Variants in CCDC92B observed in about 807,000 individuals in gnomAD.
The protein encoded by CCDC92B is coiled-coil domain containing 92B, also known as coiled-coil domain-containing 92B.
A neutral mutation model predicts 5.6 loss-of-function variants in CCDC92B; 2 were observed. That is an observed-to-expected ratio of 0.36 (90% CI 0.15 to 1.12). The LOEUF (loss-of-function observed/expected upper bound fraction) is 1.12. Among genes scored for constraint, CCDC92B ranks in the 50% most tolerant of loss-of-function variants. CCDC92B has a pLI of 0.40. For missense variants in CCDC92B, 271 were observed against 262.2 expected, an observed-to-expected ratio of 1.03 and a Z score of -0.23; for synonymous variants, 115 against 122.3, an observed-to-expected ratio of 0.94 and a Z score of 0.39.
chr17:2,724,773 CCTCGGTGTGCTTCTGCAG>C lies in CCDC92B; in HGVS notation c.388_405del (p.Leu130_Glu135del). ...AGCTGGCAGGAGAGGTAGGCGGCCGCCTCGGTGTGCTTCTGCAGCTCGGTGCCCAGCACGGTGGCGCGG... is the reference window on the plus strand; with the variant it reads ...AGCTGGCAGGAGAGGTAGGCGGCCGCCTCGGTGCCCAGCACGGTGGCGCGG... On this transcript the variant is annotated inframe_deletion, in exon 4 of 4. Coordinates refer to ENST00000614400, the MANE Select transcript of CCDC92B (RefSeq NM_001355573.2). This position sits in a 1 kb window ranked among gnomAD's most constrained non-coding sequence, Gnocchi z 5.0. 1 of 983,860 alleles carries C rather than the reference CCTCGGTGTGCTTCTGCAG, an allele frequency of 1.0e-6. No individual in the cohort carries two copies. Among genetic ancestry groups the C allele is most frequent in the African/African-American group, 1.8e-5 (1 of 56,962 alleles). 60.9% of individuals were successfully genotyped at this position (983,860 alleles called of 1,614,324 possible). A position where few individuals can be genotyped will look rare whatever the true frequency, so the allele number is the denominator to read the frequency against.
chr17:2,723,783 A>G lies in CCDC92B; in HGVS notation c.*628T>C. ...TGTAATCCTCTCCCAGGGCCCATGG[A>G]AGTTAGGCTTCCATCAGGCGCACTT... On this transcript the variant is annotated 3_prime_UTR_variant, in exon 4 of 4. Coordinates refer to ENST00000614400, the MANE Select transcript of CCDC92B (RefSeq NM_001355573.2). The G allele has an allele frequency of 4.9e-6, 1 of 202,042 alleles. No individual in the cohort carries two copies. The highest frequency in any genetic ancestry group is 8.8e-6 in the Non-Finnish European group (1 of 113,570). The allele number at this position is 202,042 out of a possible 1,614,324, so 12.5% of individuals were successfully genotyped here. A position where few individuals can be genotyped will look rare whatever the true frequency, so the allele number is the denominator to read the frequency against.
chr17:2,743,119 G>C (rs1044250191), intron 1 of CCDC92B, among the ~76,000 whole-genome samples: 12 of 152,106 alleles, frequency 7.9e-5, no homozygotes, highest in African/African-American at 2.9e-4. Flanking sequence ...CCATGCAGGA[G>C]CCAGAATTCC....
chr17:2,725,165 G>T (rs1468316937), intron 3 of CCDC92B, among the ~76,000 whole-genome samples, 165 bp from the exon 4 acceptor site: 1 of 152,116 alleles, frequency 6.6e-6, no homozygotes, highest in African/African-American at 2.4e-5. Flanking sequence ...CTTGAGGTCA[G>T]GAGTTCGAGA....
intron 1 of CCDC92B, among the ~76,000 whole-genome samples, chr17:2,739,544 T>C (rs1466435970): frequency 2.0e-5 from 3 of 151,090 alleles, no homozygotes; most frequent in Non-Finnish European, 4.4e-5. Flanking sequence ...TAGCTGGGCG[T>C]GGTGGCGGGT....
rs529270270 is a variant in CCDC92B at position 2,722,540 on chromosome 17, G to C, written c.*1871C>G. The C allele has an allele frequency of 6.6e-6, 1 of 152,410 alleles. No individual in the cohort carries two copies. The highest frequency in any genetic ancestry group is 1.9e-4 in the East Asian group (1 of 5,194). 9.4% of individuals were successfully genotyped at this position (152,410 alleles called of 1,614,324 possible). ...AGAGCCGCACATTGCTTGGCCCTGA[G>C]TGCGCTCGCTCACTGGTTTCTACTT... On this transcript the variant is annotated 3_prime_UTR_variant, in exon 4 of 4. Coordinates refer to ENST00000614400, the MANE Select transcript of CCDC92B (RefSeq NM_001355573.2).
chr17:2,730,543 G>GTA (rs2070781024), intron 2 of CCDC92B, 50 bp from the exon 3 acceptor site: 1 of 469,220 alleles, frequency 2.1e-6, no homozygotes, highest in Non-Finnish European at 2.7e-6. Context: ...GTGTGTGTGT[G>GTA]TGTGTGTGTG....
intron 3 of CCDC92B, among the ~76,000 whole-genome samples, chr17:2,727,729 T>A (rs7219261): frequency 0.36 from 53,924 of 150,288 alleles, 11,712 homozygotes; most frequent in Non-Finnish European, 0.48. Flanking sequence ...GAGGCTGAAG[T>A]AGGAGAATTG....
intron 3 of CCDC92B, among the ~76,000 whole-genome samples, chr17:2,727,752 AGGCGGAGGTT>A (rs1228340299): frequency 6.7e-6 from 1 of 149,386 alleles, no homozygotes. Flanking sequence ...TGACCCTGGG[AGGCGGAGGTT>A]GCAGTGAGCT....
chr17:2,735,436 T>G (rs1290885135), intron 1 of CCDC92B, among the ~76,000 whole-genome samples: 6 of 152,112 alleles, frequency 3.9e-5, no homozygotes, highest in Non-Finnish European at 8.8e-5. Flanking sequence ...ATGTAACTTT[T>G]TTTCTTTTTT....
chr17:2,738,852 C>G (rs967902698), intron 1 of CCDC92B, among the ~76,000 whole-genome samples: 2 of 151,006 alleles, frequency 1.3e-5, no homozygotes, highest in Non-Finnish European at 3.0e-5. Flanking sequence ...GGGTGGATCA[C>G]CTGAGGTCAG....
intron 3 of CCDC92B, among the ~76,000 whole-genome samples, chr17:2,729,718 G>A (rs1597235947): frequency 6.6e-6 from 1 of 152,170 alleles, no homozygotes; most frequent in Non-Finnish European, 1.5e-5. Flanking sequence ...GTATATTCAT[G>A]TTGGGGTGCA....
intron 1 of CCDC92B, among the ~76,000 whole-genome samples, chr17:2,739,150 G>A (rs1253222362): frequency 4.0e-5 from 6 of 151,638 alleles, no homozygotes; most frequent in East Asian, 1.9e-4. Flanking sequence ...GGCGGATCAC[G>A]AGGTCAGGAG....
Position 2,724,623 on chromosome 17 carries a change from C to T in CCDC92B, c.556G>A (p.Gly186Ser). Residue 186 changes from glycine to serine, a missense_variant, in exon 4 of 4, where the codon GGC becomes AGC. Transcript: ENST00000614400. The surrounding 1 kb of genome is among the most constrained non-coding windows in gnomAD (Gnocchi z 5.0). ...CAGGCGGCCCAGTCCCGGCCGGGGC[C>T]CTTGGCGGCGGCCTCGTGGGCAGCA... ...PPAAHEAAAK[G>S]PGRDWAAWDR... The T allele has an allele frequency of 7.1e-6, 7 of 981,722 alleles. No homozygotes were observed. Among genetic ancestry groups the T allele is most frequent in the Non-Finnish European group, 8.5e-6 (7 of 828,254 alleles). 60.8% of individuals were successfully genotyped at this position (981,722 alleles called of 1,614,324 possible).
chr17:2,734,763 C>T (rs2070839494), intron 2 of CCDC92B, among the ~76,000 whole-genome samples: 1 of 152,122 alleles, frequency 6.6e-6, no homozygotes, highest in African/African-American at 2.4e-5. Flanking sequence ...GCTGGGATTA[C>T]AGGTGTGAGC....
chr17:2,730,162 G>A (rs1597236167), intron 3 of CCDC92B, among the ~76,000 whole-genome samples: 1 of 152,292 alleles, frequency 6.6e-6, no homozygotes, highest in South Asian at 2.1e-4. Context: ...GTGTGGTGGT[G>A]CAGGTTGTTC....
chr17:2,732,045 C>G (rs933811773), intron 2 of CCDC92B, among the ~76,000 whole-genome samples: 19 of 152,228 alleles, frequency 1.2e-4, no homozygotes, highest in East Asian at 7.7e-4. Flanking sequence ...CACAATAGCA[C>G]CTTTCCAAGA....
At chr17:2,745,614 C>CA (rs1336740360) in intron 1 of CCDC92B, among the ~76,000 whole-genome samples, 1 of 152,154 alleles carries the variant, frequency 6.6e-6, no homozygotes, top group Non-Finnish European at 1.5e-5. Context: ...CTAGTGACAA[C>CA]AAAAATCTCT....
intron 1 of CCDC92B, among the ~76,000 whole-genome samples, chr17:2,741,111 T>A (rs1170213604): frequency 6.6e-6 from 1 of 151,026 alleles, no homozygotes; most frequent in South Asian, 2.1e-4. Context: ...GAAGGAGGGG[T>A]AGGACTTAGA....
chr17:2,727,601 G>A (rs1057072904), intron 3 of CCDC92B, among the ~76,000 whole-genome samples: 7 of 151,922 alleles, frequency 4.6e-5, no homozygotes, highest in South Asian at 2.1e-4. Flanking sequence ...CAAGGTGGGC[G>A]GATCACAAGG....
Sources: allele counts gnomAD v4.1 joint callset (sites outside exome capture counted in the v4.1 genomes callset), GRCh38; gene constraint gnomAD v4.1.1; non-coding constraint Gnocchi (gnomAD v3.1); transcripts MANE v1.5; gene names NCBI Gene and HGNC (gene_info 2026-07-23, HGNC 2026-07-21).